Variants in SHISA6 observed in about 807,000 individuals in gnomAD.
SHISA6 encodes protein shisa-6.
Under a neutral mutation model 47.9 loss-of-function variants are expected in SHISA6, and 22 were observed. The observed-to-expected ratio is 0.46, with a 90% CI of 0.33 to 0.66. The LOEUF is 0.66. Ranked by LOEUF, SHISA6 falls within the 30% of genes least tolerant of loss-of-function variation. The pLI is 0.02. For missense variants in SHISA6, 680 were observed against 764.6 expected (o/e 0.89, Z 1.30); for synonymous variants, 388 against 337.8 (o/e 1.15, Z -1.63).
intron 3 of SHISA6, among the ~76,000 whole-genome samples, chr17:11,431,520 A>G (rs1914774409): frequency 6.6e-6 from 1 of 152,242 alleles, no homozygotes; most frequent in Admixed American, 6.5e-5. Context: ...TCTAGAGGAA[A>G]TGATATTGTG....
intron 3 of SHISA6, among the ~76,000 whole-genome samples, chr17:11,483,891 G>T (rs1370498292): frequency 6.6e-6 from 1 of 152,182 alleles, no homozygotes; most frequent in African/African-American, 2.4e-5. Context: ...AAGAGGTTGA[G>T]GCTGCAGTGA....
intron 2 of SHISA6, among the ~76,000 whole-genome samples, chr17:11,363,776 C>T (rs1048479957): frequency 3.3e-5 from 5 of 152,194 alleles, no homozygotes; most frequent in African/African-American, 7.2e-5. Context: ...TTTGCTATTG[C>T]CGTGACAACA....
chr17:11,462,442 A>G (rs1915715526), intron 3 of SHISA6, among the ~76,000 whole-genome samples: 1 of 152,064 alleles, frequency 6.6e-6, no homozygotes, highest in Non-Finnish European at 1.5e-5. Context: ...CCTCCCTCAC[A>G]CCAAATACAG....
chr17:11,366,563 T>C (rs548502377), intron 2 of SHISA6, among the ~76,000 whole-genome samples: 1 of 152,070 alleles, frequency 6.6e-6, no homozygotes, highest in African/African-American at 2.4e-5. Flanking sequence ...AGAGAGTCGA[T>C]GGAAGTGGGT....
chr17:11,360,818 C>A (rs1372450727), intron 2 of SHISA6, among the ~76,000 whole-genome samples: 1 of 150,132 alleles, frequency 6.7e-6, no homozygotes, highest in Non-Finnish European at 1.5e-5. Context: ...AAAAAAGAAT[C>A]TCCAGGCCCA....
At chr17:11,358,416 G>A (rs542887413) in intron 2 of SHISA6, among the ~76,000 whole-genome samples, 19 of 152,116 alleles carry the variant, frequency 1.2e-4, no homozygotes, top group African/African-American at 4.6e-4. Flanking sequence ...CTGGAGTGCA[G>A]TGGTGCGATC....
In SHISA6 at chr17:11,241,923, C is replaced by A; in HGVS notation, c.501C>A (p.Tyr167Ter). The change falls in exon 1 of 6, where the codon TAC becomes TAA. Residue 167 changes from tyrosine (Y) to a stop codon, truncating the protein, a stop_gained. Transcript: ENST00000441885. LOFTEE classifies it high-confidence loss of function. The surrounding 1 kb of genome is among the most constrained non-coding windows in gnomAD (Gnocchi z 5.5). ...TGTCGCCGGGGCCCGAGAACAAGTA[C>A]GACCCGGAGAAGGACAAGACCAACT... The part of the protein sequence containing the change: ...KVVSPGPENK[Y>*]DPEKDKTNFT... The A allele has an allele frequency of 6.4e-7, 1 of 1,551,000 alleles. No individual in the cohort carries two copies. Among genetic ancestry groups the A allele is most frequent in the Non-Finnish European group, 8.7e-7 (1 of 1,147,018 alleles).
rs1259692944 is a variant in SHISA6 at position 11,563,749 on chromosome 17, AG to A, written c.*5451del. 6.6e-6 allele frequency: 1 copy of A among 152,186 alleles called. No individual in the cohort carries two copies. The highest frequency in any genetic ancestry group is 1.5e-5 in the Non-Finnish European group (1 of 68,022). The allele number at this position is 152,186 out of a possible 1,614,324, so 9.4% of individuals were successfully genotyped here. Reference sequence around the variant, plus strand: ...TTTAGTTTGGGGACACAATTTCCTAAGGGGGGATTAATGAACATTTTTATGC... The same window carrying A: ...TTTAGTTTGGGGACACAATTTCCTAAGGGGGATTAATGAACATTTTTATGC... On this transcript the variant is annotated 3_prime_UTR_variant, in exon 6 of 6. Coordinates refer to ENST00000441885, the MANE Select transcript of SHISA6 (RefSeq NM_207386.4).
chr17:11,264,631 A>G (rs1467621931), intron 2 of SHISA6, among the ~76,000 whole-genome samples: 5 of 152,202 alleles, frequency 3.3e-5, no homozygotes, highest in South Asian at 2.1e-4. Context: ...CTATTGCTCA[A>G]CAGTTTTCAG....
intron 3 of SHISA6, among the ~76,000 whole-genome samples, chr17:11,455,502 C>T (rs1915510483): frequency 6.6e-6 from 1 of 151,520 alleles, no homozygotes; most frequent in Non-Finnish European, 1.5e-5. Context: ...TGAGTCTGCA[C>T]AGATGGAAGT....
In SHISA6 at chr17:11,242,006, C is replaced by T; in HGVS notation, c.584C>T (p.Ala195Val). 1.3e-6 allele frequency: 2 copies of T among 1,551,118 alleles called. No homozygotes were observed. The highest frequency in any genetic ancestry group is 1.7e-6 in the Non-Finnish European group (2 of 1,147,010). Reference sequence around the variant, plus strand: ...TTCGTCATCGTGGCCGGCGTCTTCGCCAAGGTCTCCTACGACAAGGCCCAC... The same window carrying T: ...TTCGTCATCGTGGCCGGCGTCTTCGTCAAGGTCTCCTACGACAAGGCCCAC... ...IAFVIVAGVFAKVSYDKAHRP... is the reference protein window; with the variant it reads ...IAFVIVAGVFVKVSYDKAHRP... Residue 195 changes from alanine to valine, a missense_variant, in exon 1 of 6, where the codon GCC becomes GTC. This residue lies in a region of SHISA6 where 559 missense variants were observed against 674.1 expected (regional missense o/e 0.83). Transcript: ENST00000441885.
intron 3 of SHISA6, among the ~76,000 whole-genome samples, chr17:11,513,741 T>C (rs764823247): frequency 2.0e-5 from 3 of 152,204 alleles, no homozygotes; most frequent in African/African-American, 4.8e-5. Flanking sequence ...AAGTCGAGCA[T>C]TGGTCTTCCA....
chr17:11,293,079 C>T (rs1399956695), intron 2 of SHISA6, among the ~76,000 whole-genome samples: 1 of 152,078 alleles, frequency 6.6e-6, no homozygotes, highest in Non-Finnish European at 1.5e-5. Flanking sequence ...GCTGCCTTGG[C>T]CTCCCAAAGT....
chr17:11,295,824 G>A lies in SHISA6; in HGVS notation c.799+32298G>A, dbSNP rs376673318. ...TAAAAATACAAAAAATTAGCTGGGC[G>A]TGGTGGCGGGCGCCTGTGGTCCCAG... On this transcript the variant is annotated intron_variant, in intron 2 of 5. Coordinates refer to ENST00000441885, the MANE Select transcript of SHISA6 (RefSeq NM_207386.4). Among the ~76,000 whole-genome samples the A allele has an allele frequency of 3.6e-3, 555 of 152,098 alleles. 5 individuals carry two copies. Among genetic ancestry groups the A allele is most frequent in the African/African-American group, 0.012 (515 of 41,498 alleles).
At chr17:11,249,618 G>T (rs1022365036) in intron 1 of SHISA6, among the ~76,000 whole-genome samples, 1 of 152,198 alleles carries the variant, frequency 6.6e-6, no homozygotes, top group South Asian at 2.1e-4. Flanking sequence ...CAGTCACCTT[G>T]GGAGGCCGCA....
At chr17:11,271,933 C>CTTCA (rs921123158) in intron 2 of SHISA6, among the ~76,000 whole-genome samples, 1 of 152,074 alleles carries the variant, frequency 6.6e-6, no homozygotes. Flanking sequence ...TGTTCAGCCT[C>CTTCA]TTCACCCTCA....
Position 11,511,762 on chromosome 17 carries a change from G to T in SHISA6, c.896-40134G>T, listed in dbSNP as rs1410039285. Among the ~76,000 whole-genome samples, 23 of 152,292 alleles carry T rather than the reference G, an allele frequency of 1.5e-4. 1 individual carries two copies. Among genetic ancestry groups the T allele is most frequent in the Admixed American group, 1.5e-3 (23 of 15,300 alleles). On this transcript the variant is annotated intron_variant, in intron 3 of 5. Transcript: ENST00000441885. ...AAACCCACTCCACCACGTTCCTTCTGTGTGCAAAGCACTATGCAGCTGGTG... is the reference window on the plus strand; with the variant it reads ...AAACCCACTCCACCACGTTCCTTCTTTGTGCAAAGCACTATGCAGCTGGTG...
intron 3 of SHISA6, among the ~76,000 whole-genome samples, chr17:11,404,323 G>A (rs949730053): frequency 2.6e-5 from 4 of 152,218 alleles, no homozygotes; most frequent in Non-Finnish European, 5.9e-5. Flanking sequence ...ATCGGGAGAC[G>A]TGAACTGGAA....
At chr17:11,319,816 T>G (rs145365063) in intron 2 of SHISA6, among the ~76,000 whole-genome samples, 30 of 152,390 alleles carry the variant, frequency 2.0e-4, no homozygotes, top group Non-Finnish European at 3.8e-4. Flanking sequence ...TGAATAGGTT[T>G]CTGTTCTTTT....
Sources: gnomAD v4.1 joint callset for allele counts (sites outside exome capture counted in the v4.1 genomes callset) on GRCh38, gnomAD v4.1.1 for gene constraint, gnomAD v4.1.1 regional missense constraint, Gnocchi (gnomAD v3.1) non-coding constraint, MANE v1.5 for transcripts, NCBI Gene and HGNC (gene_info 2026-07-23, HGNC 2026-07-21) for gene names.